RGS6: variants seen among roughly 807,000 people sequenced by gnomAD.
RGS6 encodes regulator of G-protein signaling 6.
A neutral mutation model predicts 78.5 loss-of-function variants in RGS6; 30 were observed. That is an observed-to-expected ratio of 0.38 (90% confidence interval 0.29 to 0.52). The LOEUF (loss-of-function observed/expected upper bound fraction) is 0.52, where lower values mean the gene tolerates loss of function less well. RGS6 is among the 20% of genes least tolerant of loss of function. The pLI is 0.85. For synonymous variants in RGS6, 206 were observed against 206.0 expected (o/e 1.00, Z 0.00); for missense variants, 495 against 609.7 (o/e 0.81, Z 1.98).
chr14:72,186,776 T>C (rs552031974), intron 2 of RGS6, among the ~76,000 whole-genome samples: 1 of 152,310 alleles, frequency 6.6e-6, no homozygotes, highest in South Asian at 2.1e-4. Flanking sequence ...CAATAAGTGC[T>C]ATTTAAACAG....
intron 2 of RGS6, among the ~76,000 whole-genome samples, chr14:72,170,046 C>A (rs1362876707): frequency 6.6e-6 from 1 of 152,088 alleles, no homozygotes; most frequent in Non-Finnish European, 1.5e-5. Context: ...CTTGAAGCAG[C>A]CTGTTTAGAT....
chr14:72,352,301 A>C, intron 3 of RGS6, 107 bp downstream of exon 3: 1 of 723,052 alleles, frequency 1.4e-6, no homozygotes, highest in South Asian at 2.0e-5. Flanking sequence ...AGTAAAAATG[A>C]AACATTCAGT....
At chr14:72,151,922 G>T (rs1373616033) in intron 2 of RGS6, among the ~76,000 whole-genome samples, 1 of 152,188 alleles carries the variant, frequency 6.6e-6, no homozygotes, top group East Asian at 1.9e-4. Context: ...GGAGTCAGGT[G>T]TGGGAACTAC....
intron 2 of RGS6, among the ~76,000 whole-genome samples, chr14:72,168,580 C>T (rs184541957): frequency 8.5e-5 from 13 of 152,282 alleles, no homozygotes; most frequent in Admixed American, 2.6e-4. Flanking sequence ...TGTGCTGACA[C>T]GGTAGTGTTT....
intron 2 of RGS6, among the ~76,000 whole-genome samples, chr14:72,186,965 G>A (rs1451256517): frequency 6.6e-6 from 1 of 152,150 alleles, no homozygotes; most frequent in Non-Finnish European, 1.5e-5. Flanking sequence ...ACACCTTCAG[G>A]TGAAAGGGTC....
At chr14:72,400,416 C>A (rs1034270773) in intron 3 of RGS6, among the ~76,000 whole-genome samples, 3 of 152,136 alleles carry the variant, frequency 2.0e-5, no homozygotes, top group Non-Finnish European at 2.9e-5. Context: ...TTCTCTATCA[C>A]CCACCTCCTG....
chr14:72,601,022 G>C, the RGS6 span, among the ~76,000 whole-genome samples: 1 of 149,542 alleles, frequency 6.7e-6, no homozygotes, highest in Non-Finnish European at 1.5e-5. Context: ...AGGAGGAGGA[G>C]GGGGAGGAGG....
chr14:72,365,645 C>T lies in RGS6; in HGVS notation c.184+13451C>T, dbSNP rs1012798994. ...CTGTTTCGATCTTATGTGCTGAAAG[C>T]AAAACCTTTTCTCATCAAATGTTTC... On this transcript the variant is annotated intron_variant, in intron 3 of 17. Transcript: ENST00000553525. Among the ~76,000 whole-genome samples the T allele has an allele frequency of 2.0e-5, 3 of 152,310 alleles. No homozygotes were observed. The East Asian group carries it at 5.8e-4, about 29-fold the overall frequency.
At chr14:72,418,423 TC>T in intron 3 of RGS6, among the ~76,000 whole-genome samples, 1 of 152,228 alleles carries the variant, frequency 6.6e-6, no homozygotes, top group African/African-American at 2.4e-5. Context: ...TACCTTGGCC[TC>T]CCAAAGTGCT....
At chr14:72,217,993 A>G (rs2045981025) in intron 2 of RGS6, among the ~76,000 whole-genome samples, 1 of 152,202 alleles carries the variant, frequency 6.6e-6, no homozygotes, top group African/African-American at 2.4e-5. Flanking sequence ...AAATACTGGC[A>G]CAGTAGTCCA....
intron 3 of RGS6, among the ~76,000 whole-genome samples, chr14:72,450,730 C>G (rs1196132324): frequency 6.6e-6 from 1 of 152,072 alleles, no homozygotes; most frequent in Non-Finnish European, 1.5e-5. Context: ...GAAAAGGAAT[C>G]CGCTTCAAAT....
intron 2 of RGS6, among the ~76,000 whole-genome samples, chr14:72,222,261 T>G (rs1054204816): frequency 2.6e-5 from 4 of 152,212 alleles, no homozygotes; most frequent in Non-Finnish European, 5.9e-5. Flanking sequence ...GTAAGGATGT[T>G]CAGGGCCAGA....
At chr14:72,263,964 C>T (rs963936968) in intron 2 of RGS6, among the ~76,000 whole-genome samples, 1 of 152,194 alleles carries the variant, frequency 6.6e-6, no homozygotes, top group African/African-American at 2.4e-5. Context: ...TCAGAAAGGC[C>T]ATATCGTATA....
chr14:72,612,637 G>A, the RGS6 span: 2 of 518,696 alleles, frequency 3.9e-6, no homozygotes, highest in East Asian at 1.1e-4. Context: ...TCAGTGGGGA[G>A]TAGACATGGA....
At chr14:72,021,464 C>CTTTT (rs533727083) in intron 2 of RGS6, among the ~76,000 whole-genome samples, 11 of 122,420 alleles carry the variant, frequency 9.0e-5, no homozygotes, top group Non-Finnish European at 1.3e-4. Context: ...CTTTTTCTAA[C>CTTTT]TTTTTTTTTT....
At chr14:72,366,977 C>T (rs2082564237) in intron 3 of RGS6, among the ~76,000 whole-genome samples, 1 of 152,168 alleles carries the variant, frequency 6.6e-6, no homozygotes, top group South Asian at 2.1e-4. Flanking sequence ...CTCAGAAACA[C>T]AAATTCCTAG....
At chr14:72,593,461 C>G in the RGS6 span, among the ~76,000 whole-genome samples, 79 of 152,192 alleles carry the variant, frequency 5.2e-4, no homozygotes, top group Non-Finnish European at 9.3e-4. Flanking sequence ...TCTCGGCTCA[C>G]TGCAACCTCT....
At chr14:71,945,091 T>G (rs2091310470) in intron 1 of RGS6, among the ~76,000 whole-genome samples, 1 of 152,222 alleles carries the variant, frequency 6.6e-6, no homozygotes, top group Non-Finnish European at 1.5e-5. Flanking sequence ...AAAACAATTG[T>G]TTGATTTCAG....
intron 2 of RGS6, among the ~76,000 whole-genome samples, chr14:72,176,496 C>T (rs77165810): frequency 0.041 from 6,274 of 152,276 alleles, 165 homozygotes; most frequent in Middle Eastern, 0.099. Context: ...GCCTGCTGAG[C>T]GCATAGCCAT....
Sources: gnomAD v4.1 joint callset for allele counts (sites outside exome capture counted in the v4.1 genomes callset) on GRCh38, gnomAD v4.1.1 for gene constraint, MANE v1.5 for transcripts, NCBI Gene and HGNC (gene_info 2026-07-23, HGNC 2026-07-21) for gene names.